The following MTIF2 variants were observed in gnomAD, a reference collection of about 807,000 sequenced individuals.
The protein encoded by MTIF2 is mitochondrial translational initiation factor 2.
A neutral mutation model predicts 83.5 loss-of-function variants in MTIF2; 71 were observed. That is an observed-to-expected ratio of 0.85 (90% CI 0.70 to 1.04). MTIF2 has a LOEUF of 1.04. MTIF2 is among the 50% of genes least tolerant of loss of function. The pLI is 0.00. For missense variants in MTIF2, 957 were observed against 846.5 expected, an observed-to-expected ratio of 1.13 and a Z score of -1.62; for synonymous variants, 319 against 287.1, an observed-to-expected ratio of 1.11 and a Z score of -1.12.
intron 10 of MTIF2, among the ~76,000 whole-genome samples, chr2:55,245,788 G>T (rs1284270672): frequency 1.3e-5 from 2 of 152,062 alleles, no homozygotes; most frequent in Non-Finnish European, 2.9e-5. Context: ...TATGCTAAGC[G>T]AAGAAGCAGG....
chr2:55,244,687 G>A (rs35950075), intron 10 of MTIF2, among the ~76,000 whole-genome samples: 1,806 of 152,160 alleles, frequency 0.012, 12 homozygotes, highest in Non-Finnish European at 0.019. Context: ...GGCCAAGGTG[G>A]GTGGATTGCT....
intron 5 of MTIF2, among the ~76,000 whole-genome samples, chr2:55,255,945 C>A (rs1390565225): frequency 6.6e-6 from 1 of 151,998 alleles, no homozygotes; most frequent in Non-Finnish European, 1.5e-5. Flanking sequence ...GGGGCAATCT[C>A]GGCTAGCTGC....
At chr2:55,253,366 T>C (rs1235862539) in intron 7 of MTIF2, among the ~76,000 whole-genome samples, 3 of 152,158 alleles carry the variant, frequency 2.0e-5, no homozygotes, top group Admixed American at 2.0e-4. Context: ...AAACTAAGAA[T>C]GAGCTAGAAT....
intron 1 of MTIF2, 159 bp from the exon 2 acceptor site, chr2:55,268,898 G>T (rs1008393256): frequency 6.6e-6 from 1 of 152,254 alleles, no homozygotes; most frequent in African/African-American, 2.4e-5. Context: ...AAGGCCTTGG[G>T]CCCATGGGAG....
At chr2:55,240,579 C>CA (rs1199993429) in intron 13 of MTIF2, among the ~76,000 whole-genome samples, 25 of 150,002 alleles carry the variant, frequency 1.7e-4, no homozygotes, top group South Asian at 8.4e-4. Flanking sequence ...AACTCCATCT[C>CA]AAAAAAAAAT....
rs1558556541 is a variant in MTIF2 at position 55,244,253 on chromosome 2, A to G, written c.1107-20T>C. 3 of 1,550,842 alleles carry G rather than the reference A, an allele frequency of 1.9e-6. No homozygotes were observed. The highest frequency in any genetic ancestry group is 2.7e-6 in the Non-Finnish European group (3 of 1,125,924). ...ACAAGACTAAAATGAAAATAAAAGTATATTTTCAATGTCATAATGTACTTT... is the reference window on the plus strand; with the variant it reads ...ACAAGACTAAAATGAAAATAAAAGTGTATTTTCAATGTCATAATGTACTTT... On this transcript the variant is annotated intron_variant, in intron 10 of 15. Transcript: ENST00000263629.
intron 11 of MTIF2, 57 bp from the exon 12 acceptor site, chr2:55,243,725 A>T: frequency 6.4e-7 from 1 of 1,559,882 alleles, no homozygotes; most frequent in South Asian, 1.2e-5. Flanking sequence ...CTGCTAGATT[A>T]AAGCCTTTGT....
chr2:55,244,082 C>T lies in MTIF2; in HGVS notation c.1258G>A (p.Gly420Ser). Residue 420 changes from glycine (G) to serine (S), a missense_variant, in exon 11 of 16, where the codon GGC becomes AGC. Coordinates refer to ENST00000263629, the MANE Select transcript of MTIF2 (RefSeq NM_002453.3). ...CCTGCAGAAGGAAGGTCTCTCCAGC[C>T]TGTAATTCCCACTGGCATGCTGGGA... ...AYPSMPVGIT[G>S]WRDLPSAGEE... is the part of the protein sequence containing the mutation. 6.2e-7 allele frequency: 1 copy of T among 1,614,150 alleles called. No individual in the cohort carries two copies. Among genetic ancestry groups the T allele is most frequent in the Non-Finnish European group, 8.5e-7 (1 of 1,180,032 alleles).
intron 14 of MTIF2, among the ~76,000 whole-genome samples, chr2:55,239,508 C>T (rs916859231): frequency 2.6e-5 from 4 of 151,832 alleles, no homozygotes; most frequent in African/African-American, 7.3e-5. Context: ...AATAAAAAAA[C>T]ACAAAATCTA....
chr2:55,242,664 G>C lies in MTIF2; in HGVS notation c.1705+276C>G, dbSNP rs75089656. ...AAGAACCAGGAGGAGTAGGGAGAGGGGGCAGTAATGGTGCTTTTAAAAAAA... is the reference window on the plus strand; with the variant it reads ...AAGAACCAGGAGGAGTAGGGAGAGGCGGCAGTAATGGTGCTTTTAAAAAAA... On this transcript the variant is annotated intron_variant, in intron 13 of 15. Coordinates refer to ENST00000263629, the MANE Select transcript of MTIF2 (RefSeq NM_002453.3). Among the ~76,000 whole-genome samples, 48 of 152,156 alleles carry C rather than the reference G, an allele frequency of 3.2e-4. No individual in the cohort carries two copies. The East Asian group carries it at 9.1e-3, about 29-fold the overall frequency.
intron 7 of MTIF2, among the ~76,000 whole-genome samples, chr2:55,253,040 G>C (rs763870980): frequency 1.4e-3 from 206 of 152,294 alleles, no homozygotes; most frequent in Non-Finnish European, 1.8e-3. Context: ...GTAGGCAGTA[G>C]CTCACGATTT....
At chr2:55,245,978 A>G (rs1432718065) in intron 10 of MTIF2, among the ~76,000 whole-genome samples, 2 of 152,216 alleles carry the variant, frequency 1.3e-5, no homozygotes, top group Non-Finnish European at 2.9e-5. Flanking sequence ...GGTAAAGTAT[A>G]AAGAATTCAC....
intron 5 of MTIF2, among the ~76,000 whole-genome samples, chr2:55,257,256 G>A (rs774508445): frequency 1.3e-4 from 20 of 152,138 alleles, no homozygotes; most frequent in Non-Finnish European, 2.9e-4. Flanking sequence ...GAGGTGGGCA[G>A]ATCACCTAAG....
chr2:55,252,182 T>C (rs1677143937), intron 8 of MTIF2, among the ~76,000 whole-genome samples: 1 of 152,244 alleles, frequency 6.6e-6, no homozygotes, highest in Non-Finnish European at 1.5e-5. Context: ...TCATTATTCT[T>C]TTCTTACTTT....
intron 3 of MTIF2, among the ~76,000 whole-genome samples, chr2:55,265,008 C>T (rs1037183644): frequency 6.6e-5 from 10 of 151,746 alleles, no homozygotes; most frequent in African/African-American, 4.8e-5. Flanking sequence ...TTTGGGAGGC[C>T]GAGGTGGGCG....
At chr2:55,262,671 T>A (rs1055292240) in intron 4 of MTIF2, among the ~76,000 whole-genome samples, 2 of 151,540 alleles carry the variant, frequency 1.3e-5, no homozygotes, top group African/African-American at 2.4e-5. Context: ...GCCTCCCCAG[T>A]AGCTGGGATT....
intron 5 of MTIF2, among the ~76,000 whole-genome samples, chr2:55,259,504 TA>T (rs5831347): frequency 9.0e-5 from 13 of 145,100 alleles, no homozygotes; most frequent in East Asian, 6.0e-4. Flanking sequence ...GGGTAATGTT[TA>T]AAAAAAAAAA....
At position 55,253,963 on chromosome 2, in the gene MTIF2, A is replaced by G. The variant is rs541309773; in HGVS notation, c.664+78T>C. On this transcript the variant is annotated intron_variant, in intron 7 of 15. Coordinates refer to ENST00000263629, the MANE Select transcript of MTIF2 (RefSeq NM_002453.3). Reference sequence around the variant, plus strand: ...GCCTTCTCTTGTACTTTGAATTTGTATATTTCATACTATGACATTTAGTTT... The same window carrying G: ...GCCTTCTCTTGTACTTTGAATTTGTGTATTTCATACTATGACATTTAGTTT... 3.2e-5 allele frequency: 46 copies of G among 1,453,964 alleles called. No homozygotes were observed. In the South Asian group the frequency reaches 5.4e-4, roughly 17 times the overall value. The allele number at this position is 1,453,964 out of a possible 1,614,324, so 90.1% of individuals were successfully genotyped here. A position where few individuals can be genotyped will look rare whatever the true frequency, so the allele number is the denominator to read the frequency against.
At chr2:55,249,791 A>C (rs1289144405) in intron 8 of MTIF2, among the ~76,000 whole-genome samples, 1 of 128,542 alleles carries the variant, frequency 7.8e-6, no homozygotes, top group Admixed American at 8.8e-5. Flanking sequence ...TGAGATTATC[A>C]AAAAAAACAA....
Sources: gnomAD v4.1 joint callset for allele counts (sites outside exome capture counted in the v4.1 genomes callset) on GRCh38, gnomAD v4.1.1 for gene constraint, MANE v1.5 for transcripts, NCBI Gene and HGNC (gene_info 2026-07-23, HGNC 2026-07-21) for gene names.